PIERCE1: variants seen among roughly 807,000 people sequenced by gnomAD.
PIERCE1 encodes the protein piercer of microtubule wall 1, also known as piercer of microtubule wall 1 protein.
At chr9:135,498,773 C>A in the PIERCE1 span, 4 of 997,068 alleles carry the variant, frequency 4.0e-6, no homozygotes, top group African/African-American at 4.8e-5. This position sits in a 1 kb window ranked among gnomAD's most constrained non-coding sequence, Gnocchi z 4.1. Flanking sequence ...ATGGAAAGAG[C>A]AATATGCCCG....
the PIERCE1 span, among the ~76,000 whole-genome samples, chr9:135,498,371 C>T: frequency 2.0e-3 from 298 of 152,208 alleles, no homozygotes; most frequent in African/African-American, 6.7e-3. This position sits in a 1 kb window ranked among gnomAD's most constrained non-coding sequence, Gnocchi z 4.1. Context: ...ACTCCACTCC[C>T]AAATTCATTC....
the PIERCE1 span, chr9:135,499,863 G>C: frequency 6.5e-7 from 1 of 1,546,850 alleles, no homozygotes; most frequent in South Asian, 1.2e-5. Flanking sequence ...GTGCCTGGAG[G>C]AGAAGCGGGA....
At chr9:135,499,376 C>G in the PIERCE1 span, 2 of 585,830 alleles carry the variant, frequency 3.4e-6, no homozygotes, top group Non-Finnish European at 3.3e-6. Flanking sequence ...TACAGCAAGA[C>G]AGTGGAGGTG....
the PIERCE1 span, chr9:135,495,349 C>G: frequency 2.2e-6 from 3 of 1,340,968 alleles, no homozygotes; most frequent in Non-Finnish European, 3.1e-6. Flanking sequence ...CACAATCGGG[C>G]GACTGTGGGT....
the PIERCE1 span, chr9:135,495,418 T>G: frequency 6.2e-7 from 1 of 1,612,168 alleles, no homozygotes; most frequent in Non-Finnish European, 8.5e-7. Context: ...AGAGGGAGTT[T>G]CCAGCCCCTC....
At chr9:135,499,850 A>G in the PIERCE1 span, 4 of 1,575,206 alleles carry the variant, frequency 2.5e-6, no homozygotes, top group African/African-American at 2.7e-5. Flanking sequence ...TTCCTCAGCC[A>G]TTGTGCCTGG....
At chr9:135,498,571 T>C in the PIERCE1 span, 389 of 1,612,758 alleles carry the variant, frequency 2.4e-4, 2 homozygotes, top group African/African-American at 4.4e-3. The surrounding 1 kb of genome is among the most constrained non-coding windows in gnomAD (Gnocchi z 4.1). Context: ...TGCCCGGTCT[T>C]GCATCCCACT....
At chr9:135,495,479 C>T in the PIERCE1 span, 15 of 1,614,004 alleles carry the variant, frequency 9.3e-6, no homozygotes, top group East Asian at 4.5e-5. Flanking sequence ...GAAGTTGAGC[C>T]GGTCACAGGA....
At chr9:135,498,600 G>A in the PIERCE1 span, 47 of 1,613,856 alleles carry the variant, frequency 2.9e-5, 1 homozygote, top group South Asian at 2.6e-4. This position sits in a 1 kb window ranked among gnomAD's most constrained non-coding sequence, Gnocchi z 4.1. Flanking sequence ...TCTCGTGCAC[G>A]GTGGGGGCTC....
chr9:135,495,717 G>T, the PIERCE1 span: 1 of 1,151,856 alleles, frequency 8.7e-7, no homozygotes. Flanking sequence ...AAAATGCAGA[G>T]AAGCCAGAGT....
chr9:135,495,683 G>T, the PIERCE1 span: 9 of 1,383,142 alleles, frequency 6.5e-6, no homozygotes, highest in African/African-American at 4.4e-5. Flanking sequence ...GAATATTTTT[G>T]AAAGAAAAAT....
At chr9:135,499,741 C>T in the PIERCE1 span, 1 of 1,608,088 alleles carries the variant, frequency 6.2e-7, no homozygotes, top group Non-Finnish European at 8.5e-7. Context: ...GGTTGTTGAA[C>T]CTGCCCGGCA....
At chr9:135,497,989 T>C in the PIERCE1 span, among the ~76,000 whole-genome samples, 903 of 152,228 alleles carry the variant, frequency 5.9e-3, 12 homozygotes, top group African/African-American at 0.021. Context: ...ACCGCACTAG[T>C]CCCTCTGTCC....
the PIERCE1 span, chr9:135,499,691 GGGC>G: frequency 1.2e-6 from 2 of 1,606,898 alleles, no homozygotes; most frequent in Non-Finnish European, 8.5e-7. Context: ...AGGACCAGGC[GGGC>G]CCCAGCTTCC....
At chr9:135,498,601 G>A in the PIERCE1 span, 1 of 1,613,976 alleles carries the variant, frequency 6.2e-7, no homozygotes, top group South Asian at 1.1e-5. This position sits in a 1 kb window ranked among gnomAD's most constrained non-coding sequence, Gnocchi z 4.1. Context: ...CTCGTGCACG[G>A]TGGGGGCTCT....
chr9:135,498,661 G>A, the PIERCE1 span: 141 of 1,613,598 alleles, frequency 8.7e-5, no homozygotes, highest in Non-Finnish European at 1.1e-4. The surrounding 1 kb of genome is among the most constrained non-coding windows in gnomAD (Gnocchi z 4.1). Flanking sequence ...AGCCTTCTGG[G>A]TCCTGGTAGA....
chr9:135,499,780 G>T, the PIERCE1 span: 1 of 1,606,096 alleles, frequency 6.2e-7, no homozygotes, highest in East Asian at 2.2e-5. Context: ...AGTAGTCGCT[G>T]GTCCTCTCCG....
At chr9:135,495,322 A>C in the PIERCE1 span, 1 of 1,047,494 alleles carries the variant, frequency 9.5e-7, no homozygotes, top group Non-Finnish European at 1.4e-6. Flanking sequence ...CAGGGAAGGC[A>C]GCGCAGTCTG....
At chr9:135,498,081 G>A in the PIERCE1 span, among the ~76,000 whole-genome samples, 3 of 152,082 alleles carry the variant, frequency 2.0e-5, no homozygotes, top group African/African-American at 7.2e-5. The surrounding 1 kb of genome is among the most constrained non-coding windows in gnomAD (Gnocchi z 4.1). Flanking sequence ...CTCAAAAAGG[G>A]TTTGGCTTCC....
Sources: allele counts gnomAD v4.1 joint callset (sites outside exome capture counted in the v4.1 genomes callset), GRCh38; gene constraint gnomAD v4.1.1; non-coding constraint Gnocchi (gnomAD v3.1); transcripts MANE v1.5; gene names NCBI Gene and HGNC (gene_info 2026-07-23, HGNC 2026-07-21).